CAMK2B: variants seen among roughly 807,000 people sequenced by gnomAD.
CAMK2B encodes calcium/calmodulin-dependent protein kinase type II subunit beta.
A neutral mutation model predicts 93.7 loss-of-function variants in CAMK2B; 27 were observed. That is an observed-to-expected ratio of 0.29 (90% confidence interval 0.21 to 0.40). CAMK2B has a LOEUF of 0.40. Among genes scored for constraint, CAMK2B ranks in the 10% least tolerant of loss-of-function variants. The pLI is 1.00. For missense variants in CAMK2B, 568 were observed against 895.8 expected (o/e 0.63, Z 4.67); for synonymous variants, 374 against 358.8 (o/e 1.04, Z -0.48).
Position 44,275,219 on chromosome 7 carries a change from G to A in CAMK2B, c.160+8912C>T, listed in dbSNP as rs115784111. On this transcript the variant is annotated intron_variant, in intron 2 of 23. Coordinates refer to ENST00000395749, the MANE Select transcript of CAMK2B (RefSeq NM_001220.5). ...GGGCCCTGCTCCTGCATCCAGTTCA[G>A]GATGCATTTGTCTTCCCCAGGGGTC... is the stretch of plus-strand genomic sequence containing the variant. Among the ~76,000 whole-genome samples, 475 of 152,230 alleles carry A rather than the reference G, an allele frequency of 3.1e-3. 1 individual carries two copies. The highest frequency in any genetic ancestry group is 0.01 in the African/African-American group (431 of 41,548).
intron 13 of CAMK2B, among the ~76,000 whole-genome samples, chr7:44,236,888 G>C (rs1168921528): frequency 6.6e-6 from 1 of 152,254 alleles, no homozygotes; most frequent in Non-Finnish European, 1.5e-5. Flanking sequence ...CTAGGAGCCT[G>C]AGGAAGGAAG....
intron 20 of CAMK2B, among the ~76,000 whole-genome samples, chr7:44,226,104 C>T (rs561851804): frequency 8.1e-4 from 123 of 152,234 alleles, no homozygotes; most frequent in Non-Finnish European, 1.5e-3. Context: ...CGTCTCAGGC[C>T]GGGACTGACA....
At chr7:44,324,162 A>G (rs1385106663) in intron 1 of CAMK2B, among the ~76,000 whole-genome samples, 3 of 152,232 alleles carry the variant, frequency 2.0e-5, no homozygotes, top group East Asian at 1.9e-4. Flanking sequence ...ACAATTATCA[A>G]TGATCAGCGT....
Position 44,313,518 on chromosome 7 carries a change from C to CCAGACGTGGGGTGAGGCT in CAMK2B, c.65+11821_65+11838dup, listed in dbSNP as rs534229741. The stretch of plus-strand genomic sequence containing the variant: ...AGAGTCCCAGAACGTGAGGTGAGGC[C>CCAGACGTGGGGTGAGGCT]CAGACGTGGGGTGAGGCTATGGGGG... On this transcript the variant is annotated intron_variant, in intron 1 of 23. Coordinates refer to ENST00000395749, the MANE Select transcript of CAMK2B (RefSeq NM_001220.5). Among the ~76,000 whole-genome samples the CCAGACGTGGGGTGAGGCT allele has an allele frequency of 8.4e-3, 1,272 of 151,462 alleles. 18 individuals are homozygous for CCAGACGTGGGGTGAGGCT. Among genetic ancestry groups the CCAGACGTGGGGTGAGGCT allele is most frequent in the African/African-American group, 0.026 (1,064 of 41,266 alleles).
chr7:44,310,232 G>T (rs73317782), intron 1 of CAMK2B, among the ~76,000 whole-genome samples: 2,367 of 152,374 alleles, frequency 0.016, 62 homozygotes, highest in African/African-American at 0.054. Flanking sequence ...AATGCAAAAG[G>T]ATTTTGGAAG....
At chr7:44,275,991 G>A (rs2097032934) in intron 2 of CAMK2B, among the ~76,000 whole-genome samples, 1 of 152,192 alleles carries the variant, frequency 6.6e-6, no homozygotes, top group African/African-American at 2.4e-5. Flanking sequence ...AGGCAGAGTG[G>A]GCCAAGAGTT....
At chr7:44,274,068 A>T (rs2097004645) in intron 2 of CAMK2B, among the ~76,000 whole-genome samples, 1 of 152,144 alleles carries the variant, frequency 6.6e-6, no homozygotes, top group Non-Finnish European at 1.5e-5. Flanking sequence ...GAGCATCTGC[A>T]CACATCCGCC....
chr7:44,304,648 T>C (rs1057111481), intron 1 of CAMK2B, among the ~76,000 whole-genome samples: 3 of 152,342 alleles, frequency 2.0e-5, no homozygotes, highest in East Asian at 1.9e-4. Flanking sequence ...CAGGTGAAAC[T>C]ACTCTGTGTG....
At chr7:44,239,121 T>C (rs1437478025) in intron 13 of CAMK2B, among the ~76,000 whole-genome samples, 1 of 152,138 alleles carries the variant, frequency 6.6e-6, no homozygotes, top group Non-Finnish European at 1.5e-5. Flanking sequence ...CAGACATGCA[T>C]GTGTAGGACT....
At chr7:44,289,126 C>T (rs1014028863) in intron 1 of CAMK2B, among the ~76,000 whole-genome samples, 4 of 152,206 alleles carry the variant, frequency 2.6e-5, no homozygotes, top group African/African-American at 7.2e-5. Flanking sequence ...ACCCTCGTGC[C>T]TGCCTCTTCC....
intron 20 of CAMK2B, among the ~76,000 whole-genome samples, chr7:44,221,752 A>G (rs1583706729): frequency 6.6e-6 from 1 of 152,196 alleles, no homozygotes; most frequent in East Asian, 1.9e-4. Flanking sequence ...CCACCCAGCC[A>G]TGCTGGTCCT....
At chr7:44,295,201 A>C (rs1787968681) in intron 1 of CAMK2B, among the ~76,000 whole-genome samples, 1 of 152,258 alleles carries the variant, frequency 6.6e-6, no homozygotes, top group Admixed American at 6.5e-5. Flanking sequence ...AAATACCTAA[A>C]ATGTGAAAAG....
At chr7:44,245,102 C>G in intron 6 of CAMK2B, 1 of 390,500 alleles carries the variant, frequency 2.6e-6, no homozygotes, top group East Asian at 7.8e-5. Context: ...TCCCCCCTCC[C>G]CAGAGGAAAC....
intron 1 of CAMK2B, among the ~76,000 whole-genome samples, chr7:44,309,266 T>G (rs1291483714): frequency 6.6e-6 from 1 of 152,156 alleles, no homozygotes; most frequent in Non-Finnish European, 1.5e-5. Context: ...AGCCGGGCTC[T>G]GGGGCAGGGG....
chr7:44,246,812 T>G (rs1584153897), intron 6 of CAMK2B, among the ~76,000 whole-genome samples: 1 of 152,042 alleles, frequency 6.6e-6, no homozygotes, highest in South Asian at 2.1e-4. Flanking sequence ...CGTATGCACA[T>G]GCACACACAT....
intron 19 of CAMK2B, 110 bp from the exon 20 acceptor site, chr7:44,226,754 TG>T: frequency 4.8e-6 from 1 of 209,124 alleles, no homozygotes; most frequent in Non-Finnish European, 6.7e-6. Context: ...GAGGCAGATG[TG>T]GGGGATGGGG....
chr7:44,258,014 GC>G (rs2096848584), intron 4 of CAMK2B, among the ~76,000 whole-genome samples: 1 of 152,268 alleles, frequency 6.6e-6, no homozygotes, highest in East Asian at 1.9e-4. Flanking sequence ...GCAGGCTAAG[GC>G]CTATGGGCCC....
chr7:44,288,590 C>T (rs1785786117), intron 1 of CAMK2B, among the ~76,000 whole-genome samples: 1 of 152,172 alleles, frequency 6.6e-6, no homozygotes. Context: ...CATGAGGCCC[C>T]CGGGCACCAA....
At chr7:44,295,771 C>A (rs994572032) in intron 1 of CAMK2B, among the ~76,000 whole-genome samples, 1 of 152,152 alleles carries the variant, frequency 6.6e-6, no homozygotes, top group African/African-American at 2.4e-5. Context: ...CTTACTACAG[C>A]CCAACCTGCT....
Sources: gnomAD v4.1 joint callset for allele counts (sites outside exome capture counted in the v4.1 genomes callset) on GRCh38, gnomAD v4.1.1 for gene constraint, MANE v1.5 for transcripts, NCBI Gene and HGNC (gene_info 2026-07-23, HGNC 2026-07-21) for gene names.